Variants in OR6A2 observed in about 807,000 individuals in gnomAD.
OR6A2 encodes olfactory receptor 6A2.
In OR6A2, 6 loss-of-function variants were observed where a neutral mutation model predicts 7.1. The observed-to-expected ratio is 0.85, with a 90% CI of 0.46 to 1.68. The LOEUF (loss-of-function observed/expected upper bound fraction) is 1.68, where lower values mean the gene tolerates loss of function less well. Ranked by LOEUF, OR6A2 falls within the 40% of genes most tolerant of loss-of-function variation. OR6A2 has a pLI of 0.01. For missense variants in OR6A2, 431 were observed against 398.0 expected (o/e 1.08, Z -0.71); for synonymous variants, 162 against 152.1 (o/e 1.06, Z -0.48).
chr11:6,797,428 T>A (rs1201806322), intron 1 of OR6A2, among the ~76,000 whole-genome samples: 1 of 152,200 alleles, frequency 6.6e-6, no homozygotes, highest in Admixed American at 6.5e-5. Flanking sequence ...AAACCTACAA[T>A]TGCTGTTTAT....
chr11:6,799,686 A>G lies in OR6A2; in HGVS notation c.-319T>C, dbSNP rs989783044. Reference sequence around the variant, plus strand: ...AGATTCCACTTTCTCTTCCTCCCATAGATAGAGAACACTGCCAAGCTAGGA... The same window carrying G: ...AGATTCCACTTTCTCTTCCTCCCATGGATAGAGAACACTGCCAAGCTAGGA... On this transcript the variant is annotated 5_prime_UTR_variant, in exon 1 of 2. Coordinates refer to ENST00000641196, the MANE Select transcript of OR6A2 (RefSeq NM_003696.3). 1 of 152,206 alleles carries G rather than the reference A, an allele frequency of 6.6e-6. No individual in the cohort carries two copies. The highest frequency in any genetic ancestry group is 1.9e-4 in the East Asian group (1 of 5,194). 9.4% of individuals were successfully genotyped at this position (152,206 alleles called of 1,614,324 possible).
At position 6,794,725 on chromosome 11, in the gene OR6A2, C is replaced by T; in HGVS notation, c.984G>A (p.Ter328=). Residue 328 remains the stop codon, a stop_retained_variant, in exon 2 of 2, where the codon TAG becomes TAA. Transcript: ENST00000641196. The stretch of plus-strand genomic sequence containing the variant: ...TTTTATCAGATTTCACACATCCCTT[C>T]TATACATTTCTGCTAGCTTTCTTGG... ...PDPKKASRNV[*] 1 of 1,613,282 alleles carries T rather than the reference C, an allele frequency of 6.2e-7. No homozygotes were observed.
Position 6,792,714 on chromosome 11 carries a change from A to G in OR6A2, c.*2011T>C, listed in dbSNP as rs1345055512. On this transcript the variant is annotated 3_prime_UTR_variant, in exon 2 of 2. Transcript: ENST00000641196. ...TGGGAAAAATCAGTTACATAAATGGAGGATGGGGGATACTTAATCTGATAA... is the reference window on the plus strand; with the variant it reads ...TGGGAAAAATCAGTTACATAAATGGGGGATGGGGGATACTTAATCTGATAA... 6.6e-6 allele frequency: 1 copy of G among 152,204 alleles called. No homozygotes were observed. The highest frequency in any genetic ancestry group is 1.5e-5 in the Non-Finnish European group (1 of 68,028). 9.4% of individuals were successfully genotyped at this position (152,204 alleles called of 1,614,324 possible).
In OR6A2 at chr11:6,793,032, C is replaced by G. The variant is rs1718548419; in HGVS notation, c.*1693G>C. The G allele has an allele frequency of 6.6e-6, 1 of 152,134 alleles. No homozygotes were observed. The highest frequency in any genetic ancestry group is 1.5e-5 in the Non-Finnish European group (1 of 68,024). The allele number at this position is 152,134 out of a possible 1,614,324, so 9.4% of individuals were successfully genotyped here. The stretch of plus-strand genomic sequence containing the variant: ...ACATTATGCTTTTACTTCCTATTAA[C>G]TCGAGTTAACTTATAAAAGAGTTTA... On this transcript the variant is annotated 3_prime_UTR_variant, in exon 2 of 2. Coordinates refer to ENST00000641196, the MANE Select transcript of OR6A2 (RefSeq NM_003696.3).
chr11:6,795,654 G>A lies in OR6A2; in HGVS notation c.55C>T (p.Pro19Ser). The change falls in exon 2 of 2, where the codon CCT becomes TCT. Residue 19 changes from proline to serine, a missense_variant. Pro to Ser is a moderately conservative substitution (Grantham distance 74). Transcript: ENST00000641196. Reference protein sequence around the residue: ...RVSEFVLLGFPAPAPLQVLLF... With the variant: ...RVSEFVLLGFSAPAPLQVLLF... ...AGTACCTGTAGTGGCGCAGGAGCAG[G>A]GAAGCCCAGCAACACAAACTCACTC... is the stretch of plus-strand genomic sequence containing the variant. 4 of 1,613,956 alleles carry A rather than the reference G, an allele frequency of 2.5e-6. No individual in the cohort carries two copies. Among genetic ancestry groups the A allele is most frequent in the Non-Finnish European group, 3.4e-6 (4 of 1,179,906 alleles).
chr11:6,794,742 C>T lies in OR6A2; in HGVS notation c.967G>A (p.Ala323Thr). 2 of 1,613,720 alleles carry T rather than the reference C, an allele frequency of 1.2e-6. No individual in the cohort carries two copies. Among genetic ancestry groups the T allele is most frequent in the African/African-American group, 2.7e-5 (2 of 75,020 alleles). The stretch of plus-strand genomic sequence containing the variant: ...CATCCCTTCTATACATTTCTGCTAG[C>T]TTTCTTGGGGTCAGGATCCTGGTGC... ...YQHQDPDPKK[A>T]SRNV Residue 323 changes from alanine to threonine, a missense_variant, in exon 2 of 2, where the codon GCT becomes ACT. Transcript: ENST00000641196.
Position 6,793,191 on chromosome 11 carries a change from A to G in OR6A2, c.*1534T>C, listed in dbSNP as rs1847708426. 6.6e-6 allele frequency: 1 copy of G among 152,180 alleles called. No individual in the cohort carries two copies. The highest frequency in any genetic ancestry group is 2.4e-5 in the African/African-American group (1 of 41,422). The allele number at this position is 152,180 out of a possible 1,614,324, so 9.4% of individuals were successfully genotyped here. On this transcript the variant is annotated 3_prime_UTR_variant, in exon 2 of 2. Transcript: ENST00000641196. ...AACTTTATATCCAGTCATTTAAAAA[A>G]TTATTACAACAAGATACTTATACTG... is the stretch of plus-strand genomic sequence containing the variant.
intron 1 of OR6A2, among the ~76,000 whole-genome samples, chr11:6,796,921 G>C (rs1847753895): frequency 6.6e-6 from 1 of 152,104 alleles, no homozygotes; most frequent in Admixed American, 6.6e-5. Flanking sequence ...ATGGGGTAGA[G>C]TCAGCTGAGC....
chr11:6,799,099 G>A (rs1266855446), intron 1 of OR6A2, among the ~76,000 whole-genome samples: 1 of 152,186 alleles, frequency 6.6e-6, no homozygotes, highest in African/African-American at 2.4e-5. Context: ...TTATATGCAA[G>A]TAAAACATGC....
chr11:6,795,836 T>C lies in OR6A2; in HGVS notation c.-128A>G. 1 of 759,324 alleles carries C rather than the reference T, an allele frequency of 1.3e-6. No homozygotes were observed. Among genetic ancestry groups the C allele is most frequent in the Non-Finnish European group, 2.2e-6 (1 of 461,462 alleles). The allele number at this position is 759,324 out of a possible 1,614,324, so 47.0% of individuals were successfully genotyped here. ...AATACCACGTAAGGAGTTCATGTAA[T>C]TAATCACTGAGCTGAGGCCACTGCT... On this transcript the variant is annotated 5_prime_UTR_variant, in exon 2 of 2. Coordinates refer to ENST00000641196, the MANE Select transcript of OR6A2 (RefSeq NM_003696.3).
rs1194517508 is a variant in OR6A2, at chr11:6,795,552, G to T, written c.157C>A (p.His53Asn). Reference protein sequence around the residue: ...NTLIIMAIRNHSTLHKPMYFF... With the variant: ...NTLIIMAIRNNSTLHKPMYFF... Reference sequence around the variant, plus strand: ...TACATGGGTTTGTGGAGGGTAGAATGGTTCCTAATTGCCATAATGATGAGT... The same window carrying T: ...TACATGGGTTTGTGGAGGGTAGAATTGTTCCTAATTGCCATAATGATGAGT... Residue 53 changes from histidine (H) to asparagine (N), a missense_variant, in exon 2 of 2, where the codon CAT becomes AAT. His to Asn is a moderately conservative substitution (Grantham distance 68). Transcript: ENST00000641196. 23 of 1,614,058 alleles carry T rather than the reference G, an allele frequency of 1.4e-5. No homozygotes were observed. The highest frequency in any genetic ancestry group is 1.9e-5 in the Non-Finnish European group (23 of 1,179,996).
Position 6,794,738 on chromosome 11 carries a change from C to T in OR6A2, c.971G>A (p.Ser324Asn), listed in dbSNP as rs1847724752. 6.2e-7 allele frequency: 1 copy of T among 1,613,648 alleles called. No homozygotes were observed. The highest frequency in any genetic ancestry group is 8.5e-7 in the Non-Finnish European group (1 of 1,179,750). The change falls in exon 2 of 2, where the codon AGC becomes AAC. Residue 324 changes from serine to asparagine, a missense_variant. Coordinates refer to ENST00000641196, the MANE Select transcript of OR6A2 (RefSeq NM_003696.3). The part of the protein sequence containing the change: ...QHQDPDPKKA[S>N]RNV ...CACACATCCCTTCTATACATTTCTGCTAGCTTTCTTGGGGTCAGGATCCTG... is the reference window on the plus strand; with the variant it reads ...CACACATCCCTTCTATACATTTCTGTTAGCTTTCTTGGGGTCAGGATCCTG...
At chr11:6,795,942 A>C in intron 1 of OR6A2, 58 bp from the exon 2 acceptor site, 1 of 490,636 alleles carries the variant, frequency 2.0e-6, no homozygotes, top group East Asian at 3.3e-5. Context: ...GATAGGAAGG[A>C]GTCTGTTCTG....
In OR6A2 at chr11:6,795,896, A is replaced by C. The variant is rs1847744779; in HGVS notation, c.-176-12T>G. The C allele has an allele frequency of 1.1e-5, 6 of 567,456 alleles. No individual in the cohort carries two copies. The highest frequency in any genetic ancestry group is 4.6e-4 in the Middle Eastern group (1 of 2,160). 35.2% of individuals were successfully genotyped at this position (567,456 alleles called of 1,614,324 possible). ...AATCTGGAAATGAGCTAAGGCAAACATACAAAAATAAATGTTTTTTTTTTT... is the reference window on the plus strand; with the variant it reads ...AATCTGGAAATGAGCTAAGGCAAACCTACAAAAATAAATGTTTTTTTTTTT... On this transcript the variant is annotated splice_polypyrimidine_tract_variant and intron_variant, in intron 1 of 1. Transcript: ENST00000641196.
intron 1 of OR6A2, 27 bp downstream of exon 1, chr11:6,799,517 A>T (rs1463930026): frequency 6.6e-6 from 1 of 152,228 alleles, no homozygotes; most frequent in Non-Finnish European, 1.5e-5. Flanking sequence ...CTTGAAGAGG[A>T]ATCAGCAGAT....
At position 6,795,561 on chromosome 11, in the gene OR6A2, T is replaced by C. The variant is rs61741824; in HGVS notation, c.148A>G (p.Ile50Val). 52,778 of 1,614,052 alleles carry C rather than the reference T, an allele frequency of 0.033. 1,020 individuals carry two copies. The highest frequency in any genetic ancestry group is 0.052 in the South Asian group (4,738 of 91,070). ...TTGTGGAGGGTAGAATGGTTCCTAA[T>C]TGCCATAATGATGAGTGTGTTCTCA... Reference protein sequence around the residue: ...LTENTLIIMAIRNHSTLHKPM... With the variant: ...LTENTLIIMAVRNHSTLHKPM... Residue 50 changes from isoleucine to valine, a missense_variant, in exon 2 of 2, where the codon ATT becomes GTT. Physicochemically the swap from Ile to Val is conservative, Grantham distance 29. Coordinates refer to ENST00000641196, the MANE Select transcript of OR6A2 (RefSeq NM_003696.3).
At chr11:6,797,687 C>T (rs1747497756) in intron 1 of OR6A2, among the ~76,000 whole-genome samples, 1 of 152,166 alleles carries the variant, frequency 6.6e-6, no homozygotes, top group Non-Finnish European at 1.5e-5. Context: ...TAAAACTTGT[C>T]CATAGTCCCT....
chr11:6,792,753 T>A lies in OR6A2; in HGVS notation c.*1972A>T, dbSNP rs1225407502. On this transcript the variant is annotated 3_prime_UTR_variant, in exon 2 of 2. Transcript: ENST00000641196. Reference sequence around the variant, plus strand: ...TTAATCTGATAATCAATACTTCACATGAAAAAGTTTACAAAGTTTTGTGAC... The same window carrying A: ...TTAATCTGATAATCAATACTTCACAAGAAAAAGTTTACAAAGTTTTGTGAC... 2 of 152,142 alleles carry A rather than the reference T, an allele frequency of 1.3e-5. No homozygotes were observed. Among genetic ancestry groups the A allele is most frequent in the African/African-American group, 4.8e-5 (2 of 41,450 alleles). 9.4% of individuals were successfully genotyped at this position (152,142 alleles called of 1,614,324 possible). A position where few individuals can be genotyped will look rare whatever the true frequency, so the allele number is the denominator to read the frequency against.
At position 6,795,873 on chromosome 11, in the gene OR6A2, T is replaced by C. The variant is rs1442424022; in HGVS notation, c.-165A>G. ...CTGAGGCCACTGCTCTCTTCTTTAA[T>C]CTGGAAATGAGCTAAGGCAAACATA... On this transcript the variant is annotated 5_prime_UTR_variant, in exon 2 of 2. Transcript: ENST00000641196. The C allele has an allele frequency of 1.6e-6, 1 of 613,802 alleles. No individual in the cohort carries two copies. Among genetic ancestry groups the C allele is most frequent in the Admixed American group, 3.0e-5 (1 of 33,692 alleles). The allele number at this position is 613,802 out of a possible 1,614,324, so 38.0% of individuals were successfully genotyped here.
Sources: gnomAD v4.1 joint callset for allele counts (sites outside exome capture counted in the v4.1 genomes callset) on GRCh38, gnomAD v4.1.1 for gene constraint, MANE v1.5 for transcripts, NCBI Gene and HGNC (gene_info 2026-07-23, HGNC 2026-07-21) for gene names.